The following DEPTOR variants were observed in gnomAD, a reference collection of about 807,000 sequenced individuals.
DEPTOR encodes DEP domain containing MTOR interacting protein.
A neutral mutation model predicts 41.6 loss-of-function variants in DEPTOR; 41 were observed. The observed-to-expected ratio is 0.98, with a 90% CI of 0.77 to 1.28. The LOEUF (loss-of-function observed/expected upper bound fraction) is 1.28. Ranked by LOEUF, DEPTOR falls within the 50% of genes most tolerant of loss-of-function variation. The pLI, the probability that DEPTOR is intolerant of heterozygous loss-of-function variation, is 0.00. For missense variants in DEPTOR, 514 were observed against 527.9 expected (o/e 0.97, Z 0.26); for synonymous variants, 195 against 192.3 (o/e 1.01, Z -0.12).
intron 4 of DEPTOR, among the ~76,000 whole-genome samples, chr8:119,994,535 A>G (rs535275998): frequency 1.3e-5 from 2 of 152,322 alleles, no homozygotes; most frequent in South Asian, 4.1e-4. Flanking sequence ...TGCACTCACT[A>G]AACTTTAGCT....
intron 3 of DEPTOR, among the ~76,000 whole-genome samples, chr8:119,956,942 G>A (rs1438671679): frequency 6.6e-6 from 1 of 151,896 alleles, no homozygotes; most frequent in African/African-American, 2.4e-5. Flanking sequence ...TCACCCTGTT[G>A]GTCAGGCTGA....
At chr8:120,007,146 A>T (rs1338604091) in intron 7 of DEPTOR, among the ~76,000 whole-genome samples, 1 of 152,196 alleles carries the variant, frequency 6.6e-6, no homozygotes, top group Admixed American at 6.5e-5. Context: ...TTCTAATTTA[A>T]TTGCAAATTT....
intron 3 of DEPTOR, among the ~76,000 whole-genome samples, chr8:119,935,017 A>C (rs1354398161): frequency 2.0e-5 from 3 of 152,036 alleles, no homozygotes; most frequent in African/African-American, 4.8e-5. Context: ...GTGTGTGCTT[A>C]TGGATTGATG....
intron 4 of DEPTOR, among the ~76,000 whole-genome samples, chr8:119,981,019 A>G (rs1038097708): frequency 1.4e-4 from 22 of 152,196 alleles, no homozygotes; most frequent in Non-Finnish European, 2.9e-4. Flanking sequence ...TTGATGAGGA[A>G]GCTAAAGCCC....
intron 4 of DEPTOR, among the ~76,000 whole-genome samples, chr8:119,982,075 T>C (rs1828776801): frequency 1.3e-5 from 2 of 151,744 alleles, no homozygotes; most frequent in Non-Finnish European, 2.9e-5. Context: ...TTTGGAGTTT[T>C]ACTGACAGCA....
intron 8 of DEPTOR, among the ~76,000 whole-genome samples, chr8:120,042,307 C>T (rs1452257419): frequency 6.6e-6 from 1 of 152,038 alleles, no homozygotes; most frequent in Non-Finnish European, 1.5e-5. Flanking sequence ...CCTGTGGTTA[C>T]TCATAATGTG....
chr8:119,890,295 GT>G (rs756719931), intron 1 of DEPTOR, among the ~76,000 whole-genome samples: 2 of 145,994 alleles, frequency 1.4e-5, no homozygotes, highest in Admixed American at 6.8e-5. Context: ...TTGTTTGTTT[GT>G]TTGTTGTTGT....
chr8:119,938,557 G>A (rs1214090970), intron 3 of DEPTOR, among the ~76,000 whole-genome samples: 1 of 151,938 alleles, frequency 6.6e-6, no homozygotes, highest in Non-Finnish European at 1.5e-5. Context: ...CTGTTGCCCG[G>A]GCTGGAGTAC....
At chr8:119,972,592 C>T (rs1000055545) in intron 4 of DEPTOR, among the ~76,000 whole-genome samples, 4 of 150,252 alleles carry the variant, frequency 2.7e-5, no homozygotes, top group Admixed American at 2.0e-4. Flanking sequence ...CACTGCACTC[C>T]AGCCTTTGTG....
chr8:119,903,979 G>A (rs1563961616), intron 1 of DEPTOR, among the ~76,000 whole-genome samples: 1 of 151,952 alleles, frequency 6.6e-6, no homozygotes, highest in Non-Finnish European at 1.5e-5. Context: ...TGACTCTGGG[G>A]GCCAGGAGTT....
intron 8 of DEPTOR, among the ~76,000 whole-genome samples, chr8:120,040,371 T>G (rs1484052541): frequency 2.0e-5 from 3 of 151,576 alleles, no homozygotes; most frequent in Non-Finnish European, 4.4e-5. Context: ...GGTCGGGAGA[T>G]CAAGACCATC....
At chr8:119,957,481 C>A (rs1455217112) in intron 3 of DEPTOR, among the ~76,000 whole-genome samples, 1 of 152,020 alleles carries the variant, frequency 6.6e-6, no homozygotes, top group Non-Finnish European at 1.5e-5. Flanking sequence ...GTTTTTCTTC[C>A]ATTTTGTCCT....
chr8:119,941,824 G>A (rs1828207932), intron 3 of DEPTOR, among the ~76,000 whole-genome samples: 1 of 152,194 alleles, frequency 6.6e-6, no homozygotes, highest in South Asian at 2.1e-4. Flanking sequence ...GTGTGGGAGA[G>A]CATCTTCAAA....
At chr8:119,984,353 T>G (rs1227452795) in intron 4 of DEPTOR, among the ~76,000 whole-genome samples, 2 of 152,180 alleles carry the variant, frequency 1.3e-5, no homozygotes, top group Non-Finnish European at 2.9e-5. Flanking sequence ...CCTGCCATGG[T>G]GGTTTGCTGC....
chr8:120,001,551 A>G lies in DEPTOR; in HGVS notation c.631A>G (p.Ser211Gly), dbSNP rs773471330. Residue 211 changes from serine to glycine, a missense_variant, in exon 5 of 9, where the codon AGC becomes GGC. Ser to Gly is a moderately conservative substitution (Grantham distance 56). Transcript: ENST00000286234. ...HVSNKHPFVD[S>G]NLLYQFRMNF... ...GTCCAACAAGCACCCATTTGTGGAC[A>G]GCAATCTTCTCTACCAGTTCAGAAT... 9.9e-6 allele frequency: 16 copies of G among 1,612,468 alleles called. No homozygotes were observed. In the South Asian group the frequency reaches 1.7e-4, roughly 17 times the overall value.
intron 1 of DEPTOR, among the ~76,000 whole-genome samples, chr8:119,887,303 A>T (rs1160441930): frequency 7.2e-6 from 1 of 139,678 alleles, no homozygotes; most frequent in Non-Finnish European, 1.6e-5. Context: ...CCTACTAAGT[A>T]GCTGGGGATT....
intron 1 of DEPTOR, among the ~76,000 whole-genome samples, chr8:119,918,738 C>T (rs866391122): frequency 2.0e-5 from 3 of 152,098 alleles, no homozygotes; most frequent in African/African-American, 2.4e-5. Flanking sequence ...GGATTATAGG[C>T]GTGTGCCACC....
intron 1 of DEPTOR, among the ~76,000 whole-genome samples, chr8:119,902,939 G>T (rs949548530): frequency 6.6e-6 from 1 of 152,144 alleles, no homozygotes; most frequent in African/African-American, 2.4e-5. Flanking sequence ...AGACACGAAA[G>T]AACCTGTACA....
At chr8:120,017,557 A>G (rs896347795) in intron 8 of DEPTOR, among the ~76,000 whole-genome samples, 2 of 152,304 alleles carry the variant, frequency 1.3e-5, no homozygotes, top group South Asian at 2.1e-4. Context: ...GTTTTGGAGA[A>G]GATCAAATAA....
Sources: gnomAD v4.1 joint callset for allele counts (sites outside exome capture counted in the v4.1 genomes callset) on GRCh38, gnomAD v4.1.1 for gene constraint, MANE v1.5 for transcripts, NCBI Gene and HGNC (gene_info 2026-07-23, HGNC 2026-07-21) for gene names.